MPPED2: variants seen among roughly 807,000 people sequenced by gnomAD.
MPPED2 encodes the protein metallophosphoesterase MPPED2.
Under a neutral mutation model 33.0 loss-of-function variants are expected in MPPED2, and 5 were observed. The ratio of observed to expected loss-of-function variants is 0.15; its 90% CI spans 0.08 to 0.32. The LOEUF is 0.32. Ranked by LOEUF, MPPED2 falls within the 10% of genes least tolerant of loss-of-function variation. The probability of loss-of-function intolerance (pLI) is 1.00; values close to 1 mark genes in which losing one functional copy is unlikely to be tolerated. For synonymous variants in MPPED2, 136 were observed against 141.9 expected (o/e 0.96, Z 0.29); for missense variants, 275 against 372.1 (o/e 0.74, Z 2.15).
intron 6 of MPPED2, among the ~76,000 whole-genome samples, chr11:30,389,807 C>G (rs1253502423): frequency 1.3e-5 from 2 of 152,100 alleles, no homozygotes; most frequent in Non-Finnish European, 2.9e-5. Context: ...AGATAGGGAG[C>G]CCTTAGTTTT....
chr11:30,403,600 G>T (rs1947944287), intron 6 of MPPED2, among the ~76,000 whole-genome samples: 1 of 152,182 alleles, frequency 6.6e-6, no homozygotes, highest in Non-Finnish European at 1.5e-5. Flanking sequence ...GGAATACTGT[G>T]TTTAATGTCC....
At chr11:30,451,692 T>A in intron 4 of MPPED2, 1 of 963,948 alleles carries the variant, frequency 1.0e-6, no homozygotes, top group Non-Finnish European at 1.2e-6. Context: ...CTTGTGTATT[T>A]CAAAAACATT....
intron 3 of MPPED2, among the ~76,000 whole-genome samples, chr11:30,515,638 C>T (rs2134338455): frequency 6.6e-6 from 1 of 152,268 alleles, no homozygotes; most frequent in Non-Finnish European, 1.5e-5. Flanking sequence ...GGTTGTACAA[C>T]CTTAATTCTT....
chr11:30,435,384 G>A (rs972807655), intron 4 of MPPED2, among the ~76,000 whole-genome samples: 6 of 152,110 alleles, frequency 3.9e-5, no homozygotes, highest in African/African-American at 1.2e-4. Context: ...TTCAATAAAC[G>A]GAAATTTCCA....
chr11:30,487,456 G>A (rs1320779294), intron 4 of MPPED2, among the ~76,000 whole-genome samples: 4 of 152,168 alleles, frequency 2.6e-5, no homozygotes, highest in Non-Finnish European at 4.4e-5. Context: ...AGCAGGAGCT[G>A]ACTCATGCCT....
At chr11:30,476,723 CT>C (rs1951220935) in intron 4 of MPPED2, among the ~76,000 whole-genome samples, 1 of 151,958 alleles carries the variant, frequency 6.6e-6, no homozygotes, top group African/African-American at 2.4e-5. Flanking sequence ...TATTCGAAAT[CT>C]TTTTTTATTT....
chr11:30,403,609 C>A (rs1947944416), intron 6 of MPPED2, among the ~76,000 whole-genome samples: 1 of 152,162 alleles, frequency 6.6e-6, no homozygotes, highest in African/African-American at 2.4e-5. Context: ...TGTTTAATGT[C>A]CCAGGATCTC....
At chr11:30,430,760 T>C (rs1949044091) in intron 4 of MPPED2, among the ~76,000 whole-genome samples, 1 of 152,210 alleles carries the variant, frequency 6.6e-6, no homozygotes, top group South Asian at 2.1e-4. Flanking sequence ...AAAATACATA[T>C]TATGCAAATG....
intron 2 of MPPED2, among the ~76,000 whole-genome samples, chr11:30,548,916 C>T (rs1162484344): frequency 6.6e-6 from 1 of 152,040 alleles, no homozygotes. Context: ...ATTACTAAAG[C>T]CAAATAGGAA....
intron 4 of MPPED2, among the ~76,000 whole-genome samples, chr11:30,458,377 G>A (rs1950371232): frequency 6.6e-6 from 1 of 152,170 alleles, no homozygotes; most frequent in African/African-American, 2.4e-5. Context: ...TATATAATTG[G>A]AGTCTCCCTA....
intron 3 of MPPED2, among the ~76,000 whole-genome samples, chr11:30,527,398 G>A (rs1954257857): frequency 6.7e-6 from 1 of 149,872 alleles, no homozygotes; most frequent in Admixed American, 6.6e-5. Context: ...AACTGCCCTT[G>A]GTAACCTGGT....
At chr11:30,449,206 C>T (rs534426618) in intron 4 of MPPED2, among the ~76,000 whole-genome samples, 89 of 127,502 alleles carry the variant, frequency 7.0e-4, no homozygotes, top group African/African-American at 2.7e-3. Context: ...GAATGAATGC[C>T]CCTATGTATA....
At chr11:30,447,584 A>C (rs1949866633) in intron 4 of MPPED2, among the ~76,000 whole-genome samples, 1 of 152,194 alleles carries the variant, frequency 6.6e-6, no homozygotes, top group Non-Finnish European at 1.5e-5. Flanking sequence ...CAGCAACCAG[A>C]AATTAGACTG....
chr11:30,545,718 A>G (rs571492857), intron 2 of MPPED2, among the ~76,000 whole-genome samples: 1 of 152,312 alleles, frequency 6.6e-6, no homozygotes, highest in East Asian at 1.9e-4. Context: ...GTACAGGGAT[A>G]GGCGGTGGCT....
intron 4 of MPPED2, among the ~76,000 whole-genome samples, chr11:30,460,569 A>G (rs1447681917): frequency 6.6e-6 from 1 of 152,178 alleles, no homozygotes; most frequent in Non-Finnish European, 1.5e-5. Context: ...GCTGCAGTGA[A>G]CTATGATAGT....
At chr11:30,454,158 T>C (rs1329256986) in intron 4 of MPPED2, among the ~76,000 whole-genome samples, 1 of 152,226 alleles carries the variant, frequency 6.6e-6, no homozygotes, top group Non-Finnish European at 1.5e-5. Context: ...AATCTGCACC[T>C]TAATCCTGAT....
intron 4 of MPPED2, among the ~76,000 whole-genome samples, chr11:30,422,940 GA>G (rs1948674531): frequency 6.6e-6 from 1 of 152,200 alleles, no homozygotes; most frequent in Non-Finnish European, 1.5e-5. Flanking sequence ...CCTTGCTCTT[GA>G]AATTGTAAGC....
intron 4 of MPPED2, among the ~76,000 whole-genome samples, chr11:30,420,488 G>A (rs994680719): frequency 1.3e-5 from 2 of 152,240 alleles, no homozygotes; most frequent in African/African-American, 4.8e-5. Context: ...TAAAGTTGCT[G>A]TGACTTGATA....
intron 2 of MPPED2, among the ~76,000 whole-genome samples, chr11:30,563,387 T>A (rs1956314183): frequency 6.6e-6 from 1 of 152,122 alleles, no homozygotes; most frequent in Non-Finnish European, 1.5e-5. Context: ...TGGGCTCCTA[T>A]CAGAATCTAA....
Sources: allele counts gnomAD v4.1 joint callset (sites outside exome capture counted in the v4.1 genomes callset), GRCh38; gene constraint gnomAD v4.1.1; transcripts MANE v1.5; gene names NCBI Gene and HGNC (gene_info 2026-07-23, HGNC 2026-07-21).